The following SP100 variants were observed in gnomAD, a reference collection of about 807,000 sequenced individuals.
SP100 encodes SP100 nuclear body protein.
SP100 carries 84 observed loss-of-function variants against 130.0 expected under a neutral mutation model. The ratio of observed to expected loss-of-function variants is 0.65; its 90% CI spans 0.54 to 0.77. The LOEUF (loss-of-function observed/expected upper bound fraction) is 0.77, where lower values mean the gene tolerates loss of function less well. Among genes scored for constraint, SP100 ranks in the 30% least tolerant of loss-of-function variants. The pLI is 0.00. For missense variants in SP100, 978 were observed against 1,052.2 expected (o/e 0.93, Z 0.97); for synonymous variants, 331 against 351.7 (o/e 0.94, Z 0.66).
chr2:230,506,398 A>C lies in SP100; in HGVS notation c.1966A>C (p.Lys656Gln). ...EGDRGASKNW[K>Q]LSIRCGGYTL... ...AGACCGCGGAGCATCCAAGAACTGG[A>C]AGCTAAGTATACGCTGCGGTGGATA... Residue 656 changes from lysine to glutamine, a missense_variant, in exon 22 of 29, where the codon AAG (lysine) becomes CAG (glutamine). Physicochemically the swap from Lys to Gln is moderately conservative, Grantham distance 53 (BLOSUM62 1). Coordinates refer to ENST00000340126, the MANE Select transcript of SP100 (RefSeq NM_001080391.2). 1 of 1,613,958 alleles carries C rather than the reference A, an allele frequency of 6.2e-7. No homozygotes were observed.
rs1169416572 is a variant in SP100 at position 230,545,594 on chromosome 2, T to G, written c.*2648T>G. Among the ~76,000 whole-genome samples, 3 of 152,284 alleles carry G rather than the reference T, an allele frequency of 2.0e-5. No individual in the cohort carries two copies. The highest frequency in any genetic ancestry group is 2.1e-4 in the South Asian group (1 of 4,824). ...AAATAAATGGATCATTAAAAAAAATTTTAATAATAAAATTGTCTTATCAAG... is the reference window on the plus strand; with the variant it reads ...AAATAAATGGATCATTAAAAAAAATGTTAATAATAAAATTGTCTTATCAAG... On this transcript the variant is annotated 3_prime_UTR_variant, in exon 29 of 29. Transcript: ENST00000340126.
chr2:230,473,102 C>A, intron 15 of SP100: 1 of 416,268 alleles, frequency 2.4e-6, no homozygotes, highest in Non-Finnish European at 4.4e-6. Flanking sequence ...ATCACTGAAA[C>A]AAACTATTAA....
Position 230,457,408 on chromosome 2 carries a change from C to T in SP100, c.821-3854C>T, listed in dbSNP as rs180747593. The stretch of plus-strand genomic sequence containing the variant: ...GCTGTAGGAGGCTGAAGACTGAGTT[C>T]GCAGGGCTGGCCTGAGTCCTGGGGC... On this transcript the variant is annotated intron_variant, in intron 8 of 28. Coordinates refer to ENST00000340126, the MANE Select transcript of SP100 (RefSeq NM_001080391.2). 2.6e-5 allele frequency among the ~76,000 whole-genome samples: 4 copies of T among 152,166 alleles called. No homozygotes were observed. The East Asian group carries it at 5.8e-4, about 22-fold the overall frequency.
chr2:230,434,138 T>C (rs1032966521), intron 2 of SP100, among the ~76,000 whole-genome samples: 1 of 151,938 alleles, frequency 6.6e-6, no homozygotes, highest in Non-Finnish European at 1.5e-5. Context: ...TGAAAGACTT[T>C]TTTAGTTTAA....
intron 6 of SP100, 87 bp from the exon 7 acceptor site, chr2:230,449,474 C>G: frequency 6.9e-7 from 1 of 1,450,120 alleles, no homozygotes; most frequent in Non-Finnish European, 9.7e-7. Context: ...ACCTTACGTC[C>G]ATCAGTGGCC....
intron 17 of SP100, among the ~76,000 whole-genome samples, chr2:230,480,337 T>C (rs754057887): frequency 1.1e-4 from 16 of 152,236 alleles, no homozygotes; most frequent in Non-Finnish European, 2.4e-4. Flanking sequence ...ACAAAATATG[T>C]ACTTAAAGCA....
In SP100 at chr2:230,446,810, A is replaced by C; in HGVS notation, c.440-9A>C. ...TCTCTAATTGCTTCTTCTCTCTCCC[A>C]CTCTTCAGTAATCCATGACAAATTG... is the stretch of plus-strand genomic sequence containing the variant. On this transcript the variant is annotated splice_polypyrimidine_tract_variant and intron_variant, in intron 4 of 28. Coordinates refer to ENST00000340126, the MANE Select transcript of SP100 (RefSeq NM_001080391.2). The C allele has an allele frequency of 1.9e-6, 3 of 1,570,216 alleles. No individual in the cohort carries two copies. Among genetic ancestry groups the C allele is most frequent in the East Asian group, 4.5e-5 (2 of 44,480 alleles).
intron 17 of SP100, among the ~76,000 whole-genome samples, chr2:230,485,092 ATATTT>A (rs142188341): frequency 0.014 from 2,158 of 150,996 alleles, 44 homozygotes; most frequent in African/African-American, 0.047. Flanking sequence ...CCAGGTCCCA[ATATTT>A]TATTTTATTT....
intron 22 of SP100, 67 bp from the exon 23 acceptor site, chr2:230,507,926 C>T (rs1690244148): frequency 6.9e-7 from 1 of 1,439,476 alleles, no homozygotes; most frequent in Admixed American, 1.9e-5. Flanking sequence ...GGAAGGCAGT[C>T]AGAAATACTA....
chr2:230,449,341 C>G (rs1559494044), intron 6 of SP100, 191 bp downstream of exon 6: 1 of 780,734 alleles, frequency 1.3e-6, no homozygotes, highest in Non-Finnish European at 2.3e-6. Flanking sequence ...CTTCCTCCCA[C>G]ACCCCTTAAT....
In SP100 at chr2:230,503,762, C is replaced by T. The variant is rs183083211; in HGVS notation, c.1766-424C>T. Among the ~76,000 whole-genome samples, 19 of 152,318 alleles carry T rather than the reference C, an allele frequency of 1.2e-4. No homozygotes were observed. In the East Asian group the frequency reaches 2.9e-3, roughly 23 times the overall value. On this transcript the variant is annotated intron_variant, in intron 20 of 28. Transcript: ENST00000340126. The stretch of plus-strand genomic sequence containing the variant: ...ACAGATGCCACCCCGAAAGGTGCCC[C>T]ATTAGGTGCCACTCTGCCATCCTGC...
chr2:230,438,916 A>T, intron 2 of SP100, among the ~76,000 whole-genome samples: 1 of 152,154 alleles, frequency 6.6e-6, no homozygotes, highest in Admixed American at 6.6e-5. Context: ...TAGTTCTTTA[A>T]GGAATCTTTA....
chr2:230,481,107 G>A (rs889182720), intron 17 of SP100, among the ~76,000 whole-genome samples: 5 of 151,888 alleles, frequency 3.3e-5, no homozygotes, highest in Non-Finnish European at 7.4e-5. Flanking sequence ...AGTGCCCCAC[G>A]GATTGGACCT....
At chr2:230,417,866 A>G (rs2062656845) in intron 2 of SP100, among the ~76,000 whole-genome samples, 11 of 152,078 alleles carry the variant, frequency 7.2e-5, no homozygotes, top group Admixed American at 7.2e-4. Flanking sequence ...TGTAAGTATA[A>G]ATATACTTTT....
chr2:230,449,953 C>T (rs538495272), intron 7 of SP100, among the ~76,000 whole-genome samples: 4 of 152,248 alleles, frequency 2.6e-5, no homozygotes, highest in African/African-American at 9.6e-5. Context: ...TGCAGAGTCT[C>T]ACCAAAGAAG....
chr2:230,517,464 A>G (rs1405135923), intron 24 of SP100, among the ~76,000 whole-genome samples: 1 of 152,158 alleles, frequency 6.6e-6, no homozygotes, highest in Non-Finnish European at 1.5e-5. Flanking sequence ...AATTATCTCA[A>G]TAAAAATAAG....
At position 230,462,449 on chromosome 2, in the gene SP100, G is replaced by T. The variant is rs760948554; in HGVS notation, c.988G>T (p.Asp330Tyr). 6.2e-7 allele frequency: 1 copy of T among 1,613,686 alleles called. No homozygotes were observed. Among genetic ancestry groups the T allele is most frequent in the South Asian group, 1.1e-5 (1 of 91,056 alleles). The change falls in exon 10 of 29, where the codon GAC becomes TAC. Residue 330 changes from aspartate (D) to tyrosine (Y), a missense_variant. Asp to Tyr is a radical substitution (Grantham distance 160). Coordinates refer to ENST00000340126, the MANE Select transcript of SP100 (RefSeq NM_001080391.2). ...CCTTTGTGCAGTCATCAGCAGTGAG[G>T]ACTCTGAAGGATCCACTGACGTTGA... ...ASDIIVISSEDSEGSTDVDEP... is the reference protein window; with the variant it reads ...ASDIIVISSEYSEGSTDVDEP...
rs7563944 is a variant in SP100, at chr2:230,511,385, C to T, written c.2094+219C>T. Among the ~76,000 whole-genome samples, 546 of 152,246 alleles carry T rather than the reference C, an allele frequency of 3.6e-3. 2 individuals are homozygous for T. Among genetic ancestry groups the T allele is most frequent in the African/African-American group, 0.012 (508 of 41,544 alleles). On this transcript the variant is annotated intron_variant, in intron 24 of 28. Coordinates refer to ENST00000340126, the MANE Select transcript of SP100 (RefSeq NM_001080391.2). ...TAGAAATCTTCAAATTTCCTCATTT[C>T]CCTTAGAAAGTGAGTATAGGAGGCT... is the stretch of plus-strand genomic sequence containing the variant.
intron 17 of SP100, among the ~76,000 whole-genome samples, chr2:230,486,102 C>T (rs1182767743): frequency 6.6e-6 from 1 of 152,138 alleles, no homozygotes; most frequent in African/African-American, 2.4e-5. Context: ...ACTCACAGTT[C>T]CACATGGCTG....
Sources: gnomAD v4.1 joint callset for allele counts (sites outside exome capture counted in the v4.1 genomes callset) on GRCh38, gnomAD v4.1.1 for gene constraint, MANE v1.5 for transcripts, NCBI Gene and HGNC (gene_info 2026-07-23, HGNC 2026-07-21) for gene names.